Variants in ADGRG7 observed in about 807,000 individuals in gnomAD.
The protein encoded by ADGRG7 is G-protein coupled receptor 128.
ADGRG7 carries 82 observed loss-of-function variants against 88.6 expected under a neutral mutation model. That is an observed-to-expected ratio of 0.93 (90% CI 0.77 to 1.11). ADGRG7 has a LOEUF of 1.11. ADGRG7 is among the 50% of genes most tolerant of loss of function. ADGRG7 has a pLI of 0.00. For synonymous variants in ADGRG7, 381 were observed against 345.2 expected, an observed-to-expected ratio of 1.10 and a Z score of -1.15; for missense variants, 945 against 953.4, an observed-to-expected ratio of 0.99 and a Z score of 0.12.
chr3:100,647,830 C>T (rs1707781091), intron 10 of ADGRG7, among the ~76,000 whole-genome samples: 2 of 152,174 alleles, frequency 1.3e-5, no homozygotes, highest in South Asian at 4.1e-4. Flanking sequence ...CAAGGAGAAG[C>T]AGATGTTTTC....
At chr3:100,614,285 G>C (rs984984342) in intron 1 of ADGRG7, among the ~76,000 whole-genome samples, 6 of 152,098 alleles carry the variant, frequency 3.9e-5, no homozygotes, top group Admixed American at 2.0e-4. Context: ...AACAGAAACA[G>C]TTCTAAGAAC....
At chr3:100,691,775 C>G (rs1559695366) in intron 15 of ADGRG7, among the ~76,000 whole-genome samples, 1 of 147,770 alleles carries the variant, frequency 6.8e-6, no homozygotes, top group Admixed American at 6.9e-5. Flanking sequence ...AAATATGACT[C>G]ATTATCAAAT....
intron 5 of ADGRG7, among the ~76,000 whole-genome samples, chr3:100,636,953 C>T (rs1484755234): frequency 6.6e-6 from 1 of 152,136 alleles, no homozygotes; most frequent in Non-Finnish European, 1.5e-5. Context: ...TTTTAACAAC[C>T]AGAGTATTGC....
Position 100,635,629 on chromosome 3 carries a change from G to A in ADGRG7, c.448-48G>A, listed in dbSNP as rs1441121776. On this transcript the variant is annotated intron_variant, in intron 4 of 15. Transcript: ENST00000273352. ...ACCTGCAGTTGCTTACAAAGTGTTT[G>A]GACATAATTGTGTAAAGCTAGGGTT... is the stretch of plus-strand genomic sequence containing the variant. The A allele has an allele frequency of 2.5e-5, 40 of 1,596,378 alleles. No homozygotes were observed. The Admixed American group carries it at 7.0e-4, about 28-fold the overall frequency.
intron 15 of ADGRG7, among the ~76,000 whole-genome samples, chr3:100,693,456 G>GCTACTTTTT (rs1200359412): frequency 1.3e-5 from 2 of 152,106 alleles, no homozygotes; most frequent in Non-Finnish European, 2.9e-5. Flanking sequence ...TAATAATCAA[G>GCTACTTTTT]CTACTTTTTC....
chr3:100,644,073 T>A (rs965579933), intron 8 of ADGRG7, among the ~76,000 whole-genome samples: 4 of 152,198 alleles, frequency 2.6e-5, no homozygotes, highest in African/African-American at 9.7e-5. Flanking sequence ...TTTAGTAGTA[T>A]CAATTTTAGG....
At chr3:100,621,937 G>T (rs1283725271) in intron 1 of ADGRG7, among the ~76,000 whole-genome samples, 1 of 152,198 alleles carries the variant, frequency 6.6e-6, no homozygotes, top group African/African-American at 2.4e-5. Context: ...GTGGTTTCGA[G>T]ATGAAACTAT....
At chr3:100,630,300 A>C (rs987950345) in intron 2 of ADGRG7, among the ~76,000 whole-genome samples, 4 of 152,148 alleles carry the variant, frequency 2.6e-5, no homozygotes, top group African/African-American at 9.7e-5. Context: ...ATCCACTGCT[A>C]TCATTTCCTA....
chr3:100,663,611 T>C (rs2094948276), intron 14 of ADGRG7, among the ~76,000 whole-genome samples: 1 of 151,922 alleles, frequency 6.6e-6, no homozygotes. Flanking sequence ...TTCAATATCA[T>C]GAAAATTCCA....
At chr3:100,629,516 G>A (rs1356684392) in intron 1 of ADGRG7, 82 bp from the exon 2 acceptor site, 10 of 853,894 alleles carry the variant, frequency 1.2e-5, no homozygotes, top group Non-Finnish European at 1.9e-5. Context: ...GGTTTTACGT[G>A]TAGAAATTAA....
intron 15 of ADGRG7, among the ~76,000 whole-genome samples, chr3:100,669,968 G>A (rs1248134635): frequency 6.6e-6 from 1 of 151,992 alleles, no homozygotes; most frequent in Non-Finnish European, 1.5e-5. Context: ...AACCAGGGAG[G>A]TGGAGGTTGC....
intron 15 of ADGRG7, among the ~76,000 whole-genome samples, chr3:100,675,301 C>G (rs1027686749): frequency 6.6e-6 from 1 of 151,964 alleles, no homozygotes; most frequent in Non-Finnish European, 1.5e-5. Flanking sequence ...GTTTTTACCA[C>G]GAAGTGATGT....
intron 15 of ADGRG7, among the ~76,000 whole-genome samples, chr3:100,679,987 A>T (rs1326205249): frequency 6.6e-6 from 1 of 152,334 alleles, no homozygotes; most frequent in South Asian, 2.1e-4. Context: ...AAAGTATTCT[A>T]AAAAAGGTTG....
chr3:100,656,324 A>G (rs2094937452), intron 13 of ADGRG7, among the ~76,000 whole-genome samples: 1 of 152,206 alleles, frequency 6.6e-6, no homozygotes, highest in Non-Finnish European at 1.5e-5. Context: ...TTTCTCATCC[A>G]GAAAATGGGA....
chr3:100,679,299 C>T (rs946410937), intron 15 of ADGRG7, among the ~76,000 whole-genome samples: 2 of 152,184 alleles, frequency 1.3e-5, no homozygotes, highest in East Asian at 1.9e-4. Context: ...TCACTCAAAG[C>T]CCAAAGGCTC....
chr3:100,659,606 A>G (rs547427414), intron 13 of ADGRG7, 82 bp from the exon 14 acceptor site: 1 of 1,177,728 alleles, frequency 8.5e-7, no homozygotes, highest in African/African-American at 1.5e-5. Context: ...CAGTTGAGTG[A>G]ATGTCAATAG....
At chr3:100,679,305 G>C (rs974202008) in intron 15 of ADGRG7, among the ~76,000 whole-genome samples, 1 of 152,166 alleles carries the variant, frequency 6.6e-6, no homozygotes, top group Non-Finnish European at 1.5e-5. Flanking sequence ...AAAGCCCAAA[G>C]GCTCTTCAGT....
At chr3:100,687,691 G>C (rs184085617) in intron 15 of ADGRG7, among the ~76,000 whole-genome samples, 3 of 152,176 alleles carry the variant, frequency 2.0e-5, no homozygotes, top group African/African-American at 7.2e-5. Context: ...ATTGATTTTC[G>C]TATGTTGAAC....
At position 100,655,189 on chromosome 3, in the gene ADGRG7, T is replaced by G; in HGVS notation, c.1726+8T>G. 1 of 1,550,014 alleles carries G rather than the reference T, an allele frequency of 6.5e-7. No individual in the cohort carries two copies. Among genetic ancestry groups the G allele is most frequent in the Non-Finnish European group, 8.8e-7 (1 of 1,134,358 alleles). On this transcript the variant is annotated splice_region_variant and intron_variant, in intron 12 of 15. Transcript: ENST00000273352. Reference sequence around the variant, plus strand: ...TCTCATTAATTGGATGGGGTAAGTGTTTGCATCTCCCCTTTCTCAGGAATT... The same window carrying G: ...TCTCATTAATTGGATGGGGTAAGTGGTTGCATCTCCCCTTTCTCAGGAATT...
Sources: gnomAD v4.1 joint callset for allele counts (sites outside exome capture counted in the v4.1 genomes callset) on GRCh38, gnomAD v4.1.1 for gene constraint, MANE v1.5 for transcripts, NCBI Gene and HGNC (gene_info 2026-07-23, HGNC 2026-07-21) for gene names.